The following MACROD2 variants were observed in gnomAD, a reference collection of about 807,000 sequenced individuals.
MACROD2 encodes the protein mono-ADP ribosylhydrolase 2.
Under a neutral mutation model 70.4 loss-of-function variants are expected in MACROD2, and 36 were observed. That is an observed-to-expected ratio of 0.51 (90% confidence interval 0.39 to 0.68). The LOEUF is 0.68. Ranked by LOEUF, MACROD2 falls within the 30% of genes least tolerant of loss-of-function variation. MACROD2 has a pLI of 0.00. For missense variants in MACROD2, 496 were observed against 538.4 expected, an observed-to-expected ratio of 0.92 and a Z score of 0.78; for synonymous variants, 172 against 178.8, an observed-to-expected ratio of 0.96 and a Z score of 0.30.
At chr20:15,855,819 A>G (rs759631163) in intron 8 of MACROD2, among the ~76,000 whole-genome samples, 1 of 152,132 alleles carries the variant, frequency 6.6e-6, no homozygotes, top group Non-Finnish European at 1.5e-5. Flanking sequence ...ATACAACATT[A>G]TGCTTGTGAG....
intron 5 of MACROD2, among the ~76,000 whole-genome samples, chr20:14,922,212 G>C (rs1341365860): frequency 6.6e-6 from 1 of 152,112 alleles, no homozygotes; most frequent in South Asian, 2.1e-4. Context: ...AAAGAAAGGT[G>C]CTTTATACAT....
chr20:14,044,965 C>T (rs1569132052), intron 2 of MACROD2, among the ~76,000 whole-genome samples: 1 of 152,250 alleles, frequency 6.6e-6, no homozygotes, highest in Admixed American at 6.5e-5. Flanking sequence ...GTCCCAAGCC[C>T]TGCCCCACAG....
chr20:14,474,461 G>C (rs1182392815), intron 3 of MACROD2, among the ~76,000 whole-genome samples: 2 of 152,132 alleles, frequency 1.3e-5, no homozygotes, highest in African/African-American at 2.4e-5. Flanking sequence ...ATGTTGGAAT[G>C]TTCCATAAAT....
intron 4 of MACROD2, among the ~76,000 whole-genome samples, chr20:14,535,775 C>T (rs1236782038): frequency 1.3e-5 from 2 of 152,122 alleles, no homozygotes; most frequent in Non-Finnish European, 2.9e-5. Context: ...ACTGAAGTGA[C>T]TTGTACCAAC....
intron 3 of MACROD2, among the ~76,000 whole-genome samples, chr20:14,266,264 T>A (rs970834289): frequency 6.6e-6 from 1 of 152,190 alleles, no homozygotes; most frequent in East Asian, 1.9e-4. Context: ...AATTTTCTTA[T>A]ATATAAAATG....
intron 8 of MACROD2, among the ~76,000 whole-genome samples, chr20:15,768,331 CAT>C (rs1354204911): frequency 6.6e-6 from 1 of 152,166 alleles, no homozygotes; most frequent in Non-Finnish European, 1.5e-5. Context: ...ACCTATACAA[CAT>C]GTTACTGTAC....
At chr20:14,624,937 TTTGCACA>T (rs915303726) in intron 4 of MACROD2, among the ~76,000 whole-genome samples, 2 of 152,102 alleles carry the variant, frequency 1.3e-5, no homozygotes, top group African/African-American at 2.4e-5. Context: ...AGGTCAGAGG[TTTGCACA>T]TTGCACCTTT....
At chr20:15,579,205 C>A (rs1407139393) in intron 8 of MACROD2, among the ~76,000 whole-genome samples, 1 of 152,140 alleles carries the variant, frequency 6.6e-6, no homozygotes, top group African/African-American at 2.4e-5. Context: ...TAGAGCAGAG[C>A]AGAGCTGCTG....
chr20:16,039,353 T>G (rs1601365857), intron 15 of MACROD2, among the ~76,000 whole-genome samples: 1 of 151,998 alleles, frequency 6.6e-6, no homozygotes, highest in African/African-American at 2.4e-5. Flanking sequence ...TTTTTATATC[T>G]TCTTTTATTA....
chr20:15,672,258 A>G (rs1314739281), intron 8 of MACROD2, among the ~76,000 whole-genome samples: 1 of 151,758 alleles, frequency 6.6e-6, no homozygotes, highest in African/African-American at 2.4e-5. Flanking sequence ...GAAATTCTTC[A>G]TTCCTCCTGT....
chr20:14,556,077 C>A (rs1292741445), intron 4 of MACROD2, among the ~76,000 whole-genome samples: 1 of 151,966 alleles, frequency 6.6e-6, no homozygotes, highest in Non-Finnish European at 1.5e-5. Flanking sequence ...TGCATATGAA[C>A]AACAAAAGGA....
At chr20:15,570,262 G>A (rs1234758605) in intron 8 of MACROD2, among the ~76,000 whole-genome samples, 1 of 152,036 alleles carries the variant, frequency 6.6e-6, no homozygotes, top group African/African-American at 2.4e-5. Flanking sequence ...ATTTGGTTTT[G>A]TGTGGTTTTA....
chr20:15,413,704 A>AT (rs1351480077), intron 6 of MACROD2, among the ~76,000 whole-genome samples: 1 of 152,132 alleles, frequency 6.6e-6, no homozygotes, highest in Non-Finnish European at 1.5e-5. Flanking sequence ...TGTTTGTGGG[A>AT]TTTTTTAAAG....
intron 13 of MACROD2, among the ~76,000 whole-genome samples, chr20:15,970,830 G>C (rs1478426862): frequency 2.6e-5 from 4 of 152,116 alleles, no homozygotes; most frequent in Non-Finnish European, 2.9e-5. Flanking sequence ...CCACCAGCAA[G>C]ACTGGAAAGC....
At chr20:15,115,396 A>AT (rs1289036084) in intron 5 of MACROD2, among the ~76,000 whole-genome samples, 1 of 151,740 alleles carries the variant, frequency 6.6e-6, no homozygotes, top group South Asian at 2.1e-4. Context: ...TGCCCAGCTA[A>AT]TTTTTTTTGT....
intron 3 of MACROD2, among the ~76,000 whole-genome samples, chr20:14,222,262 A>G (rs1461297963): frequency 6.6e-6 from 1 of 152,224 alleles, no homozygotes; most frequent in Non-Finnish European, 1.5e-5. Flanking sequence ...ATGATTTAAT[A>G]AAGAAAAGGT....
intron 6 of MACROD2, among the ~76,000 whole-genome samples, chr20:15,255,745 A>G (rs940265353): frequency 1.3e-5 from 2 of 152,152 alleles, no homozygotes; most frequent in African/African-American, 4.8e-5. Flanking sequence ...ATTTTTGCCT[A>G]GTTCCAATAT....
intron 6 of MACROD2, among the ~76,000 whole-genome samples, chr20:15,237,740 T>C (rs1476614891): frequency 6.6e-6 from 1 of 151,932 alleles, no homozygotes; most frequent in Non-Finnish European, 1.5e-5. Flanking sequence ...TCAGCAACCA[T>C]GTAGAACATG....
chr20:15,924,668 G>A (rs1047065906), intron 10 of MACROD2, among the ~76,000 whole-genome samples: 19 of 152,120 alleles, frequency 1.2e-4, no homozygotes, highest in African/African-American at 4.3e-4. Flanking sequence ...CATCTTGAAC[G>A]TTGTAGGTAC....
Sources: gnomAD v4.1 joint callset for allele counts (sites outside exome capture counted in the v4.1 genomes callset) on GRCh38, gnomAD v4.1.1 for gene constraint, MANE v1.5 for transcripts, NCBI Gene and HGNC (gene_info 2026-07-23, HGNC 2026-07-21) for gene names.